DLG2: variants seen among roughly 807,000 people sequenced by gnomAD.
DLG2 encodes disks large homolog 2.
Under a neutral mutation model 132.5 loss-of-function variants are expected in DLG2, and 45 were observed. The observed-to-expected ratio is 0.34, with a 90% CI of 0.27 to 0.44. The LOEUF is 0.44. Among genes scored for constraint, DLG2 ranks in the 20% least tolerant of loss-of-function variants. The pLI is 1.00. For missense variants in DLG2, 1,045 were observed against 1,196.9 expected, an observed-to-expected ratio of 0.87 and a Z score of 1.87; for synonymous variants, 424 against 419.6, an observed-to-expected ratio of 1.01 and a Z score of -0.13.
intron 3 of DLG2, among the ~76,000 whole-genome samples, chr11:85,435,023 A>G (rs927381890): frequency 1.3e-5 from 2 of 152,236 alleles, no homozygotes; most frequent in Non-Finnish European, 2.9e-5. Context: ...CAACATATGC[A>G]AATCAATAAA....
intron 7 of DLG2, among the ~76,000 whole-genome samples, chr11:84,477,394 C>T (rs1030324910): frequency 3.9e-5 from 6 of 152,032 alleles, no homozygotes; most frequent in Non-Finnish European, 7.4e-5. Context: ...ACTCAGGAGG[C>T]TGAGGCAGGA....
At chr11:85,085,073 T>C (rs955836560) in intron 6 of DLG2, among the ~76,000 whole-genome samples, 5 of 152,142 alleles carry the variant, frequency 3.3e-5, no homozygotes, top group African/African-American at 4.8e-5. Context: ...TTCTGTTGGT[T>C]ATTTTTTCAC....
At chr11:84,119,764 T>C (rs1207754036) in intron 9 of DLG2, among the ~76,000 whole-genome samples, 1 of 152,206 alleles carries the variant, frequency 6.6e-6, no homozygotes, top group Non-Finnish European at 1.5e-5. Context: ...CGAATCTTTT[T>C]ATATTTGGCT....
chr11:85,289,041 C>A (rs1365066844), intron 3 of DLG2, among the ~76,000 whole-genome samples: 1 of 151,658 alleles, frequency 6.6e-6, no homozygotes, highest in African/African-American at 2.4e-5. Flanking sequence ...TAATTTATAC[C>A]CCCAAATGTG....
intron 17 of DLG2, among the ~76,000 whole-genome samples, 159 bp from the exon 18 acceptor site, chr11:83,786,951 T>C (rs1352186589): frequency 6.6e-6 from 1 of 152,200 alleles, no homozygotes; most frequent in Non-Finnish European, 1.5e-5. Context: ...ATGATCTTAA[T>C]CACTTTTAGT....
At chr11:84,674,367 A>G (rs2099709147) in intron 6 of DLG2, among the ~76,000 whole-genome samples, 2 of 152,132 alleles carry the variant, frequency 1.3e-5, no homozygotes, top group African/African-American at 4.8e-5. Flanking sequence ...GTGATACTAC[A>G]TGAATGAGCA....
At chr11:84,162,745 T>C (rs867515274) in intron 9 of DLG2, among the ~76,000 whole-genome samples, 1 of 152,172 alleles carries the variant, frequency 6.6e-6, no homozygotes, top group South Asian at 2.1e-4. Context: ...TTTCTGTCAA[T>C]TGGACAGGCA....
intron 6 of DLG2, among the ~76,000 whole-genome samples, chr11:84,652,167 T>C (rs1323089330): frequency 2.6e-5 from 4 of 152,206 alleles, no homozygotes; most frequent in Non-Finnish European, 5.9e-5. Flanking sequence ...GTAAATATTG[T>C]AAACGTGTCA....
intron 6 of DLG2, among the ~76,000 whole-genome samples, chr11:84,712,624 A>G (rs1053666010): frequency 6.6e-6 from 1 of 152,084 alleles, no homozygotes; most frequent in Non-Finnish European, 1.5e-5. Flanking sequence ...TCTATCTGCA[A>G]TCTACATCTT....
chr11:85,510,699 G>T (rs1047539715), intron 3 of DLG2, among the ~76,000 whole-genome samples: 4 of 152,082 alleles, frequency 2.6e-5, no homozygotes, highest in Non-Finnish European at 4.4e-5. Context: ...TTAGAATGGT[G>T]ATCATTAAAA....
At chr11:85,266,910 G>A (rs1595821306) in intron 4 of DLG2, among the ~76,000 whole-genome samples, 1 of 152,184 alleles carries the variant, frequency 6.6e-6, no homozygotes, top group African/African-American at 2.4e-5. Flanking sequence ...GTTATAGAGA[G>A]TATAAACTTT....
At chr11:84,779,277 A>G (rs1399717993) in intron 6 of DLG2, among the ~76,000 whole-genome samples, 2 of 152,264 alleles carry the variant, frequency 1.3e-5, no homozygotes, top group East Asian at 3.9e-4. Flanking sequence ...GAACCCTAAT[A>G]TAACTTTTTT....
chr11:83,796,504 T>G (rs2153924930), intron 17 of DLG2, among the ~76,000 whole-genome samples: 1 of 152,306 alleles, frequency 6.6e-6, no homozygotes, highest in South Asian at 2.1e-4. Context: ...CAAGTGACCA[T>G]TTGCTTGTGC....
intron 6 of DLG2, among the ~76,000 whole-genome samples, chr11:84,540,172 A>G (rs544577874): frequency 1.3e-5 from 2 of 152,264 alleles, no homozygotes; most frequent in African/African-American, 2.4e-5. Context: ...AATGGCAACA[A>G]AAGCCAAAAT....
chr11:84,637,032 C>A (rs1406199334), intron 6 of DLG2, among the ~76,000 whole-genome samples: 1 of 152,008 alleles, frequency 6.6e-6, no homozygotes, highest in Admixed American at 6.6e-5. Flanking sequence ...AGATGATCTG[C>A]CCATGTCGGC....
rs554938290 is a variant in DLG2 at position 84,244,433 on chromosome 11, G to A, written c.573+6805C>T. Among the ~76,000 whole-genome samples the A allele has an allele frequency of 3.3e-5, 5 of 152,208 alleles. No homozygotes were observed. In the South Asian group the frequency reaches 1.0e-3, roughly 32 times the overall value. On this transcript the variant is annotated intron_variant, in intron 8 of 27. Coordinates refer to ENST00000376104, the MANE Select transcript of DLG2 (RefSeq NM_001142699.3). ...ACTCCTGACCTCAGTTGATCCACCC[G>A]CCTCGGCCTCCCAAAGTGCTGGGAT...
intron 7 of DLG2, among the ~76,000 whole-genome samples, chr11:84,333,851 A>C (rs1186035715): frequency 6.6e-6 from 1 of 152,216 alleles, no homozygotes; most frequent in Non-Finnish European, 1.5e-5. Context: ...TAATGCTTAC[A>C]AGTGCCTGAG....
intron 3 of DLG2, among the ~76,000 whole-genome samples, chr11:85,572,115 T>G (rs2077877060): frequency 6.6e-6 from 1 of 152,168 alleles, no homozygotes; most frequent in Admixed American, 6.6e-5. Context: ...ATTTCCAAAG[T>G]GCTGAGAAAG....
chr11:85,419,550 A>G (rs1464473782), intron 3 of DLG2, among the ~76,000 whole-genome samples: 4 of 152,160 alleles, frequency 2.6e-5, no homozygotes, highest in South Asian at 4.1e-4. Flanking sequence ...CATTCTTCTC[A>G]TCATTTTCAA....
Sources: allele counts gnomAD v4.1 joint callset (sites outside exome capture counted in the v4.1 genomes callset), GRCh38; gene constraint gnomAD v4.1.1; transcripts MANE v1.5; gene names NCBI Gene and HGNC (gene_info 2026-07-23, HGNC 2026-07-21).